Variants in DLC1 observed in about 807,000 individuals in gnomAD.
The protein encoded by DLC1 is rho GTPase-activating protein 7.
DLC1 carries 54 observed loss-of-function variants against 140.3 expected under a neutral mutation model. The ratio of observed to expected loss-of-function variants is 0.38; its 90% CI spans 0.31 to 0.48. DLC1 has a LOEUF of 0.48. Among genes scored for constraint, DLC1 ranks in the 20% least tolerant of loss-of-function variants. The pLI is 0.96. For missense variants in DLC1, 2,536 were observed against 1,907.0 expected (o/e 1.33, Z -6.14); for synonymous variants, 986 against 728.1 (o/e 1.35, Z -5.70).
intron 1 of DLC1, chr8:13,604,499 A>G (rs915819900): frequency 1.3e-5 from 2 of 152,214 alleles, no homozygotes; most frequent in African/African-American, 4.8e-5. Context: ...ATTGTTATAT[A>G]TGATACAAAG....
chr8:13,155,579 TTAAA>T (rs1824195025), intron 5 of DLC1, among the ~76,000 whole-genome samples: 1 of 152,178 alleles, frequency 6.6e-6, no homozygotes. Flanking sequence ...TAAATAAAAC[TTAAA>T]TATTCTAATA....
chr8:13,107,780 G>A (rs150592404), intron 7 of DLC1, among the ~76,000 whole-genome samples: 2 of 152,246 alleles, frequency 1.3e-5, no homozygotes, highest in East Asian at 1.9e-4. Flanking sequence ...GGCTGGTCGC[G>A]GTGGCTCACG....
chr8:13,504,635 A>G (rs935319309), intron 1 of DLC1, among the ~76,000 whole-genome samples: 1 of 152,194 alleles, frequency 6.6e-6, no homozygotes, highest in African/African-American at 2.4e-5. Context: ...AAAGAGAAAA[A>G]GAGATGATAT....
At chr8:13,122,249 G>C (rs1487305371) in intron 5 of DLC1, among the ~76,000 whole-genome samples, 2 of 152,194 alleles carry the variant, frequency 1.3e-5, no homozygotes, top group African/African-American at 2.4e-5. Context: ...AGCCTTCACA[G>C]TTTGGCATCT....
chr8:13,460,633 A>G (rs1799614511), intron 2 of DLC1, among the ~76,000 whole-genome samples: 1 of 152,186 alleles, frequency 6.6e-6, no homozygotes, highest in African/African-American at 2.4e-5. Context: ...AGACAAGGAG[A>G]TACTCTGGGG....
chr8:13,239,801 G>A (rs922534289), intron 5 of DLC1, among the ~76,000 whole-genome samples: 10 of 152,108 alleles, frequency 6.6e-5, no homozygotes, highest in Admixed American at 2.6e-4. Context: ...TATTGACTCC[G>A]GCAGAATTGT....
intron 2 of DLC1, among the ~76,000 whole-genome samples, chr8:13,496,801 TTTTTTTTTTTTTTTTTTG>T (rs2117188930): frequency 8.1e-6 from 1 of 122,800 alleles, no homozygotes; most frequent in East Asian, 2.5e-4. Context: ...TTTTTTTTTT[TTTTTTTTTTTTTTTTTTG>T]AGATGGAGTT....
At chr8:13,442,200 C>A (rs923234342) in intron 2 of DLC1, among the ~76,000 whole-genome samples, 20 of 152,248 alleles carry the variant, frequency 1.3e-4, no homozygotes, top group East Asian at 3.9e-4. Context: ...GACAAAAATT[C>A]ATTCAAGATG....
chr8:13,298,690 G>A (rs1251986794), intron 5 of DLC1, among the ~76,000 whole-genome samples: 1 of 152,124 alleles, frequency 6.6e-6, no homozygotes, highest in Non-Finnish European at 1.5e-5. Context: ...CATTAAAGAA[G>A]TGATATTATT....
At chr8:13,468,283 C>T (rs1357801419) in intron 2 of DLC1, among the ~76,000 whole-genome samples, 1 of 151,538 alleles carries the variant, frequency 6.6e-6, no homozygotes, top group Admixed American at 6.6e-5. Context: ...ATCTTTACTT[C>T]ATCGGTAATA....
intron 5 of DLC1, among the ~76,000 whole-genome samples, chr8:13,240,640 C>A (rs1200971488): frequency 1.3e-5 from 2 of 151,858 alleles, no homozygotes; most frequent in African/African-American, 2.4e-5. Flanking sequence ...CCTGTGTTGC[C>A]CAGGCTGGTC....
At chr8:13,125,236 C>T (rs568711387) in intron 5 of DLC1, among the ~76,000 whole-genome samples, 4 of 152,288 alleles carry the variant, frequency 2.6e-5, no homozygotes, top group Non-Finnish European at 4.4e-5. Context: ...CTTGGCCTCC[C>T]AAAGTGCTGG....
chr8:13,420,328 T>C (rs1391885269), intron 2 of DLC1, among the ~76,000 whole-genome samples: 1 of 152,120 alleles, frequency 6.6e-6, no homozygotes, highest in Non-Finnish European at 1.5e-5. Flanking sequence ...AAGGAGAAAG[T>C]AGGGAGGAAA....
At chr8:13,489,046 G>A (rs903978810) in intron 2 of DLC1, among the ~76,000 whole-genome samples, 4 of 152,180 alleles carry the variant, frequency 2.6e-5, no homozygotes, top group East Asian at 1.9e-4. Flanking sequence ...CTCCTGGGTT[G>A]AAGTGACTCT....
At chr8:13,522,308 G>A (rs1395274722) in intron 1 of DLC1, among the ~76,000 whole-genome samples, 2 of 152,200 alleles carry the variant, frequency 1.3e-5, no homozygotes, top group East Asian at 1.9e-4. Flanking sequence ...AGCTTAAATG[G>A]GGGGTACGGA....
chr8:13,549,507 C>T (rs748045335), intron 1 of DLC1, among the ~76,000 whole-genome samples: 1 of 151,960 alleles, frequency 6.6e-6, no homozygotes, highest in African/African-American at 2.4e-5. Flanking sequence ...CATGAAATAC[C>T]CCAGTGAGAT....
chr8:13,308,444 A>T (rs1832544227), intron 4 of DLC1, among the ~76,000 whole-genome samples: 1 of 152,218 alleles, frequency 6.6e-6, no homozygotes, highest in Non-Finnish European at 1.5e-5. Context: ...TTATCTTTGA[A>T]TTTGAGGGAG....
intron 1 of DLC1, among the ~76,000 whole-genome samples, chr8:13,544,494 G>C (rs1803590946): frequency 6.6e-6 from 1 of 152,156 alleles, no homozygotes; most frequent in Non-Finnish European, 1.5e-5. Context: ...GAGAGGTGCA[G>C]AGATGGGAGG....
chr8:13,097,657 T>C (rs952798738), intron 10 of DLC1, among the ~76,000 whole-genome samples: 1 of 152,192 alleles, frequency 6.6e-6, no homozygotes. Context: ...ATCTTATTGT[T>C]TTCCTTTTCC....
Sources: allele counts gnomAD v4.1 joint callset (sites outside exome capture counted in the v4.1 genomes callset), GRCh38; gene constraint gnomAD v4.1.1; transcripts MANE v1.5; gene names NCBI Gene and HGNC (gene_info 2026-07-23, HGNC 2026-07-21).